Variants in F13A1 observed in about 807,000 individuals in gnomAD.
The protein encoded by F13A1 is coagulation factor XIII A chain, also known as FSF, A subunit.
In F13A1, 47 loss-of-function variants were observed where a neutral mutation model predicts 80.1. The observed-to-expected ratio is 0.59, with a 90% CI of 0.46 to 0.75. The LOEUF (loss-of-function observed/expected upper bound fraction) is 0.75, where lower values mean the gene tolerates loss of function less well. Ranked by LOEUF, F13A1 falls within the 30% of genes least tolerant of loss-of-function variation. The pLI is 0.00. For synonymous variants in F13A1, 349 were observed against 344.9 expected (o/e 1.01, Z -0.13); for missense variants, 817 against 930.4 (o/e 0.88, Z 1.59).
intron 8 of F13A1, among the ~76,000 whole-genome samples, chr6:6,210,408 G>A (rs1273654978): frequency 1.1e-4 from 15 of 140,074 alleles, no homozygotes; most frequent in East Asian, 4.4e-4. Flanking sequence ...GCAGTGGCAC[G>A]ATCTCGGCTC....
chr6:6,190,501 C>T (rs1015135598), intron 10 of F13A1, among the ~76,000 whole-genome samples: 7 of 150,030 alleles, frequency 4.7e-5, no homozygotes, highest in Non-Finnish European at 7.4e-5. Context: ...TGTCAGTGTT[C>T]CCCTGCTGGG....
intron 12 of F13A1, among the ~76,000 whole-genome samples, chr6:6,167,984 T>C (rs889692435): frequency 1.3e-5 from 2 of 152,162 alleles, no homozygotes; most frequent in Non-Finnish European, 2.9e-5. Flanking sequence ...AAATGGAACA[T>C]GTGGGGTGCT....
At chr6:6,295,983 C>T (rs1330950082) in intron 3 of F13A1, among the ~76,000 whole-genome samples, 1 of 141,782 alleles carries the variant, frequency 7.1e-6, no homozygotes, top group Non-Finnish European at 1.5e-5. Context: ...GTTTTCCCAG[C>T]ACCATTTATT....
chr6:6,201,524 T>C (rs1004319674), intron 8 of F13A1, among the ~76,000 whole-genome samples: 1 of 152,180 alleles, frequency 6.6e-6, no homozygotes, highest in African/African-American at 2.4e-5. Context: ...TGGGGATCTC[T>C]TTCACCATGC....
chr6:6,221,924 G>A (rs1309715192), intron 8 of F13A1, 109 bp downstream of exon 8: 3 of 1,285,170 alleles, frequency 2.3e-6, no homozygotes, highest in African/African-American at 2.9e-5. Context: ...CTGTGCTGTT[G>A]AATGGTCCTC....
intron 8 of F13A1, among the ~76,000 whole-genome samples, chr6:6,214,336 A>T (rs977876757): frequency 1.6e-4 from 25 of 151,834 alleles, no homozygotes; most frequent in African/African-American, 6.1e-4. Context: ...TATGTCTCAG[A>T]CCACAGTGCA....
chr6:6,166,735 C>A (rs1034715227), intron 13 of F13A1, among the ~76,000 whole-genome samples: 3 of 152,194 alleles, frequency 2.0e-5, no homozygotes, highest in African/African-American at 7.2e-5. Context: ...TCTCATCAAC[C>A]CTCGGCCTTC....
At chr6:6,274,377 C>T (rs548575316) in intron 3 of F13A1, among the ~76,000 whole-genome samples, 5 of 152,326 alleles carry the variant, frequency 3.3e-5, no homozygotes, top group East Asian at 3.9e-4. Flanking sequence ...AAACCAGCAT[C>T]GTGCTAGGTT....
chr6:6,190,437 C>G (rs945861073), intron 10 of F13A1, among the ~76,000 whole-genome samples: 1 of 150,882 alleles, frequency 6.6e-6, no homozygotes, highest in Non-Finnish European at 1.5e-5. Context: ...AGTTTTCCTT[C>G]TAACAGACAG....
chr6:6,224,969 C>G, intron 6 of F13A1, 109 bp from the exon 7 acceptor site: 1 of 1,179,986 alleles, frequency 8.5e-7, no homozygotes, highest in Non-Finnish European at 1.2e-6. Context: ...TATGTTGTGC[C>G]CAGTGAAAAG....
At chr6:6,217,868 A>T (rs1757125233) in intron 8 of F13A1, among the ~76,000 whole-genome samples, 1 of 152,192 alleles carries the variant, frequency 6.6e-6, no homozygotes, top group Non-Finnish European at 1.5e-5. Context: ...GTGCTTTGAA[A>T]AAGGTTTGTT....
At chr6:6,146,248 G>A (rs563202066) in intron 14 of F13A1, among the ~76,000 whole-genome samples, 2 of 152,264 alleles carry the variant, frequency 1.3e-5, no homozygotes, top group South Asian at 4.2e-4. Context: ...ACTCCCTTGG[G>A]ATAGACCTTG....
intron 8 of F13A1, among the ~76,000 whole-genome samples, chr6:6,213,982 T>C (rs1761672566): frequency 1.7e-5 from 2 of 120,828 alleles, no homozygotes; most frequent in Non-Finnish European, 1.7e-5. Flanking sequence ...GAGCTAACTA[T>C]CCTAAATATA....
rs1758499802 is a variant in F13A1, at chr6:6,305,453, T to G, written c.217A>C (p.Asn73His). 1 of 1,614,134 alleles carries G rather than the reference T, an allele frequency of 6.2e-7. No homozygotes were observed. Among genetic ancestry groups the G allele is most frequent in the South Asian group, 1.1e-5 (1 of 91,092 alleles). The part of the protein sequence containing the change: ...VDHHTDKYEN[N>H]KLIVRRGQSF... ...TGCCCTCTGCGGACAATCAGCTTGT[T>G]GTTTTCATACTTGTCAGTGTGGTGG... Residue 73 changes from asparagine (N) to histidine (H), a missense_variant, in exon 3 of 15, where the codon AAC becomes CAC. Asn to His is a moderately conservative substitution (Grantham distance 68, BLOSUM62 1). Coordinates refer to ENST00000264870, the MANE Select transcript of F13A1 (RefSeq NM_000129.4).
intron 2 of F13A1, among the ~76,000 whole-genome samples, chr6:6,307,155 C>T (rs1758524106): frequency 6.6e-6 from 1 of 152,182 alleles, no homozygotes; most frequent in Admixed American, 6.5e-5. Flanking sequence ...CTATGCCTGG[C>T]ACATAGTGGG....
intron 8 of F13A1, among the ~76,000 whole-genome samples, chr6:6,220,678 T>C (rs1757180042): frequency 6.6e-6 from 1 of 152,182 alleles, no homozygotes; most frequent in Non-Finnish European, 1.5e-5. Flanking sequence ...GGGTGACTAT[T>C]TTGGTCTGTT....
intron 6 of F13A1, among the ~76,000 whole-genome samples, chr6:6,246,951 A>G (rs890909877): frequency 4.6e-5 from 7 of 152,346 alleles, no homozygotes; most frequent in South Asian, 4.1e-4. Flanking sequence ...TGGGCGAAAC[A>G]GTAAAAATAG....
At chr6:6,234,258 G>C (rs745408995) in intron 6 of F13A1, among the ~76,000 whole-genome samples, 1 of 152,054 alleles carries the variant, frequency 6.6e-6, no homozygotes, top group Admixed American at 6.6e-5. Context: ...AAAGTTTCTG[G>C]ATACAAGATT....
intron 14 of F13A1, 60 bp from the exon 15 acceptor site, chr6:6,145,832 A>G: frequency 6.2e-7 from 1 of 1,611,710 alleles, no homozygotes; most frequent in Non-Finnish European, 8.5e-7. Context: ...TTGATCAGGA[A>G]GCAATGAAAA....
Sources: allele counts gnomAD v4.1 joint callset (sites outside exome capture counted in the v4.1 genomes callset), GRCh38; gene constraint gnomAD v4.1.1; transcripts MANE v1.5; gene names NCBI Gene and HGNC (gene_info 2026-07-23, HGNC 2026-07-21).